The following TTLL6 variants were observed in gnomAD, a reference collection of about 807,000 sequenced individuals.
TTLL6 encodes the protein tubulin tyrosine ligase like 6.
A neutral mutation model predicts 96.4 loss-of-function variants in TTLL6; 75 were observed. The observed-to-expected ratio is 0.78, with a 90% CI of 0.65 to 0.94. The LOEUF is 0.94. TTLL6 is among the 40% of genes least tolerant of loss of function. The pLI is 0.00. For missense variants in TTLL6, 1,030 were observed against 1,093.0 expected (o/e 0.94, Z 0.81); for synonymous variants, 411 against 419.4 (o/e 0.98, Z 0.24).
intron 13 of TTLL6, among the ~76,000 whole-genome samples, chr17:48,777,874 G>A (rs147602732): frequency 3.9e-5 from 6 of 152,218 alleles, no homozygotes; most frequent in East Asian, 1.9e-4. Flanking sequence ...CTGTGCTACC[G>A]CACTCCAGCC....
At chr17:48,773,645 C>A (rs540893311) in intron 13 of TTLL6, among the ~76,000 whole-genome samples, 2 of 151,794 alleles carry the variant, frequency 1.3e-5, no homozygotes, top group African/African-American at 2.4e-5. Flanking sequence ...TGCTTGAGCC[C>A]AGGAAGATTG....
chr17:48,804,759 T>C lies in TTLL6; in HGVS notation c.323+13A>G, dbSNP rs2143462240. On this transcript the variant is annotated intron_variant, in intron 2 of 15. Coordinates refer to ENST00000393382, the MANE Select transcript of TTLL6 (RefSeq NM_001130918.3). ...CCAACATGGCTCCCCATTCCCCAGC[T>C]TTCAATCCTAACCTCTTTTTCTTCC... The C allele has an allele frequency of 1.3e-6, 2 of 1,551,414 alleles. No homozygotes were observed. The highest frequency in any genetic ancestry group is 4.9e-5 in the East Asian group (2 of 40,922).
chr17:48,774,274 GC>G (rs1217844877), intron 13 of TTLL6, among the ~76,000 whole-genome samples: 2 of 116,370 alleles, frequency 1.7e-5, no homozygotes, highest in Non-Finnish European at 3.3e-5. Context: ...TCGCTCTGTC[GC>G]CCAGGGTGGA....
At chr17:48,775,966 G>A (rs1049096310) in intron 13 of TTLL6, among the ~76,000 whole-genome samples, 2 of 152,114 alleles carry the variant, frequency 1.3e-5, no homozygotes, top group Non-Finnish European at 2.9e-5. Context: ...AAGATTGAAT[G>A]TTTCCCCGCT....
chr17:48,769,850 A>G lies in TTLL6; in HGVS notation c.2288T>C (p.Leu763Pro). 6.2e-7 allele frequency: 1 copy of G among 1,614,210 alleles called. No homozygotes were observed. Among genetic ancestry groups the G allele is most frequent in the African/African-American group, 1.3e-5 (1 of 75,066 alleles). The change falls in exon 14 of 16, where the codon CTA becomes CCA. Residue 763 changes from leucine to proline, a missense_variant. Coordinates refer to ENST00000393382, the MANE Select transcript of TTLL6 (RefSeq NM_001130918.3). ...WESPNTNWTL[L>P]KSDMNKPHLI... The stretch of plus-strand genomic sequence containing the variant: ...ATGTGGCTTGTTCATGTCACTCTTT[A>G]GCAAAGTCCAGTTTGTGTTCGGACT...
intron 1 of TTLL6, among the ~76,000 whole-genome samples, chr17:48,807,379 C>A (rs2039520219): frequency 6.6e-6 from 1 of 152,098 alleles, no homozygotes; most frequent in Admixed American, 6.5e-5. Flanking sequence ...GTGTGAGCCA[C>A]CGTGCCCTGC....
In TTLL6 at chr17:48,770,065, G is replaced by A. The variant is rs200297445; in HGVS notation, c.2073C>T (p.Ser691=). The A allele has an allele frequency of 1.7e-5, 27 of 1,611,500 alleles. No homozygotes were observed. The East Asian group carries it at 5.8e-4, about 35-fold the overall frequency. ...TTGGGGAGATTGAGAGTTGGGTGGT[G>A]GATTCTGGGGTGGTTTCTACGGAGG... ...HLTSVETTPE[S]TTQLSISPKS... is the part of the protein sequence containing the mutation. The change falls in exon 14 of 16, where the codon TCC becomes TCT. Residue 691 remains serine (S), a synonymous_variant. Transcript: ENST00000393382.
Position 48,769,771 on chromosome 17 carries a change from G to T in TTLL6, c.2367C>A (p.Phe789Leu), listed in dbSNP as rs1268469569. 1 of 1,614,096 alleles carries T rather than the reference G, an allele frequency of 6.2e-7. No individual in the cohort carries two copies. The highest frequency in any genetic ancestry group is 8.5e-7 in the Non-Finnish European group (1 of 1,180,058). Residue 789 changes from phenylalanine (F) to leucine (L), a missense_variant, in exon 14 of 16, where the codon TTC (phenylalanine) becomes TTA (leucine). Physicochemically the swap from Phe to Leu is conservative, Grantham distance 22. Coordinates refer to ENST00000393382, the MANE Select transcript of TTLL6 (RefSeq NM_001130918.3). ...KLQLSGKLSF[F>L]PAHYNPKLGM... ...CCAGCTTGGGGTTGTAGTGAGCTGGGAAGAAGGAGAGCTTCCCACTCAGTT... is the reference window on the plus strand; with the variant it reads ...CCAGCTTGGGGTTGTAGTGAGCTGGTAAGAAGGAGAGCTTCCCACTCAGTT...
intron 1 of TTLL6, chr17:48,806,416 C>A (rs531837252): frequency 6.6e-6 from 1 of 152,126 alleles, no homozygotes; most frequent in Non-Finnish European, 1.5e-5. Context: ...TATTCCCTCA[C>A]ATCCAAGGCA....
At chr17:48,803,510 G>T (rs1402762410) in intron 3 of TTLL6, among the ~76,000 whole-genome samples, 1 of 150,484 alleles carries the variant, frequency 6.6e-6, no homozygotes. Context: ...AAAAAAAACA[G>T]CAACAGCAAC....
intron 8 of TTLL6, among the ~76,000 whole-genome samples, chr17:48,793,960 G>C (rs1215332262): frequency 6.6e-6 from 1 of 152,116 alleles, no homozygotes; most frequent in Non-Finnish European, 1.5e-5. Context: ...GGCAAGGAGA[G>C]AGAATACACC....
intron 8 of TTLL6, among the ~76,000 whole-genome samples, chr17:48,792,484 A>G (rs1437378614): frequency 6.6e-6 from 1 of 152,176 alleles, no homozygotes; most frequent in Non-Finnish European, 1.5e-5. Context: ...GAAAAAGACA[A>G]GAGACACGGC....
intron 8 of TTLL6, among the ~76,000 whole-genome samples, chr17:48,793,607 A>C (rs1190766254): frequency 6.6e-6 from 1 of 151,916 alleles, no homozygotes; most frequent in East Asian, 1.9e-4. Flanking sequence ...AAGAAAAAAA[A>C]AAAAAAAGAC....
At chr17:48,778,759 G>A (rs1485474951) in intron 13 of TTLL6, among the ~76,000 whole-genome samples, 19 of 151,878 alleles carry the variant, frequency 1.3e-4, no homozygotes, top group African/African-American at 3.6e-4. Flanking sequence ...GTGAAACCCC[G>A]TCTCTACTAA....
intron 2 of TTLL6, chr17:48,804,207 C>G (rs1334356352): frequency 1.8e-6 from 1 of 567,164 alleles, no homozygotes; most frequent in Non-Finnish European, 3.3e-6. Context: ...AACATCATTG[C>G]CTCAAGCCTT....
At chr17:48,783,643 C>A (rs2039032815) in intron 13 of TTLL6, among the ~76,000 whole-genome samples, 1 of 152,070 alleles carries the variant, frequency 6.6e-6, no homozygotes, top group Non-Finnish European at 1.5e-5. Context: ...GTTGGCCAAG[C>A]TGGTCTCAAA....
chr17:48,764,415 T>C (rs1476700132), intron 15 of TTLL6, among the ~76,000 whole-genome samples: 1 of 152,174 alleles, frequency 6.6e-6, no homozygotes, highest in Non-Finnish European at 1.5e-5. Context: ...GGGCAAGTCA[T>C]TTAACATCCT....
chr17:48,801,760 G>A (rs1021909025), intron 3 of TTLL6, 117 bp from the exon 4 acceptor site: 65 of 734,472 alleles, frequency 8.8e-5, no homozygotes, highest in African/African-American at 8.0e-4. Flanking sequence ...TCGGCTCCTC[G>A]AGACTGGAAG....
chr17:48,797,482 A>G (rs2039337335), intron 6 of TTLL6, among the ~76,000 whole-genome samples: 1 of 152,140 alleles, frequency 6.6e-6, no homozygotes, highest in Admixed American at 6.5e-5. Flanking sequence ...AACTAAACAA[A>G]GTAACATTAA....
Sources: allele counts gnomAD v4.1 joint callset (sites outside exome capture counted in the v4.1 genomes callset), GRCh38; gene constraint gnomAD v4.1.1; transcripts MANE v1.5; gene names NCBI Gene and HGNC (gene_info 2026-07-23, HGNC 2026-07-21).